Variants in CPA6 observed in about 807,000 individuals in gnomAD.
The protein encoded by CPA6 is carboxypeptidase B.
In CPA6, 58 loss-of-function variants were observed where a neutral mutation model predicts 63.3. That is an observed-to-expected ratio of 0.92 (90% CI 0.74 to 1.14). The LOEUF (loss-of-function observed/expected upper bound fraction) is 1.14. Among genes scored for constraint, CPA6 ranks in the 50% most tolerant of loss-of-function variants. The pLI, the probability that CPA6 is intolerant of heterozygous loss-of-function variation, is 0.00. For synonymous variants in CPA6, 185 were observed against 179.0 expected (o/e 1.03, Z -0.27); for missense variants, 565 against 526.6 (o/e 1.07, Z -0.71).
intron 1 of CPA6, among the ~76,000 whole-genome samples, chr8:67,661,609 C>G (rs1816110993): frequency 6.6e-6 from 1 of 152,208 alleles, no homozygotes; most frequent in African/African-American, 2.4e-5. Flanking sequence ...GTAAAGCCAT[C>G]TCAACTCAGA....
intron 1 of CPA6, among the ~76,000 whole-genome samples, chr8:67,666,765 T>C (rs771505863): frequency 8.6e-5 from 13 of 152,028 alleles, no homozygotes; most frequent in African/African-American, 7.2e-5. Context: ...CTCTGGGGCA[T>C]TGGGGGAAAG....
chr8:67,743,965 G>T (rs1587745700), intron 1 of CPA6, among the ~76,000 whole-genome samples: 1 of 152,162 alleles, frequency 6.6e-6, no homozygotes, highest in Non-Finnish European at 1.5e-5. Context: ...ACTTTGGATG[G>T]ATGAAACCAG....
At position 67,640,531 on chromosome 8, in the gene CPA6, C is replaced by T. The variant is rs569385616; in HGVS notation, c.117-16280G>A. ...AGAAGTCAGACAGCAGGAGCAGGCC[C>T]CCAGGAGTGTAGAGATGCCTGGGTC... On this transcript the variant is annotated intron_variant, in intron 1 of 10. Coordinates refer to ENST00000297770, the MANE Select transcript of CPA6 (RefSeq NM_020361.5). Among the ~76,000 whole-genome samples the T allele has an allele frequency of 1.3e-5, 2 of 151,368 alleles. 1 individual carries two copies. Among genetic ancestry groups the T allele is most frequent in the African/African-American group, 4.9e-5 (2 of 40,752 alleles).
chr8:67,607,124 CT>C (rs1814661829), intron 2 of CPA6, among the ~76,000 whole-genome samples: 7 of 95,130 alleles, frequency 7.4e-5, no homozygotes, highest in Admixed American at 2.9e-4. Flanking sequence ...CCTCCTCCTC[CT>C]CCTCCTCCTC....
chr8:67,431,025 C>A (rs1478117780), intron 9 of CPA6, among the ~76,000 whole-genome samples: 1 of 151,962 alleles, frequency 6.6e-6, no homozygotes, highest in African/African-American at 2.4e-5. Flanking sequence ...CTATGCCTGG[C>A]TAATTTTTAA....
intron 2 of CPA6, among the ~76,000 whole-genome samples, chr8:67,559,156 A>G (rs1248041329): frequency 6.6e-6 from 1 of 152,104 alleles, no homozygotes; most frequent in Non-Finnish European, 1.5e-5. Flanking sequence ...GTCCATTGAA[A>G]TTTCTCTTTG....
chr8:67,498,126 A>G (rs1563976809), intron 6 of CPA6, among the ~76,000 whole-genome samples: 1 of 152,164 alleles, frequency 6.6e-6, no homozygotes, highest in Non-Finnish European at 1.5e-5. Flanking sequence ...TTGCAGAAAG[A>G]TAACTTCCAA....
intron 8 of CPA6, among the ~76,000 whole-genome samples, chr8:67,438,450 G>C (rs1322211488): frequency 6.6e-6 from 1 of 152,142 alleles, no homozygotes. Context: ...AAGGAATTTT[G>C]AATCTAGGCT....
intron 2 of CPA6, among the ~76,000 whole-genome samples, chr8:67,551,930 G>A (rs1812947105): frequency 6.6e-6 from 1 of 152,152 alleles, no homozygotes; most frequent in Non-Finnish European, 1.5e-5. Context: ...CTATAATGAT[G>A]GCAGCTGATG....
At chr8:67,438,291 T>C (rs1255967707) in intron 8 of CPA6, among the ~76,000 whole-genome samples, 2 of 152,132 alleles carry the variant, frequency 1.3e-5, no homozygotes, top group East Asian at 1.9e-4. Flanking sequence ...AAGAGGAAAA[T>C]ATCAACACTT....
intron 1 of CPA6, among the ~76,000 whole-genome samples, chr8:67,737,745 C>T (rs376233532): frequency 4.7e-4 from 71 of 152,294 alleles, no homozygotes; most frequent in African/African-American, 1.4e-3. Context: ...CAATTCTCAG[C>T]CTTGCCAAAT....
intron 8 of CPA6, among the ~76,000 whole-genome samples, chr8:67,476,012 C>G (rs1342192659): frequency 6.8e-6 from 1 of 148,048 alleles, no homozygotes; most frequent in Non-Finnish European, 1.5e-5. Context: ...TTCCTTCTTT[C>G]CTTCCTTTCT....
chr8:67,456,927 T>C (rs1410582607), intron 8 of CPA6, among the ~76,000 whole-genome samples: 1 of 152,132 alleles, frequency 6.6e-6, no homozygotes, highest in African/African-American at 2.4e-5. Context: ...GCTTTGACTG[T>C]GGAGGAAGAG....
At chr8:67,515,115 C>T (rs892783114) in intron 3 of CPA6, among the ~76,000 whole-genome samples, 3 of 152,176 alleles carry the variant, frequency 2.0e-5, no homozygotes, top group African/African-American at 4.8e-5. Flanking sequence ...TAGGCCCTCC[C>T]AAACCCCAAA....
chr8:67,428,116 T>A lies in CPA6; in HGVS notation c.1057A>T (p.Lys353Ter), dbSNP rs969977034. The A allele has an allele frequency of 6.2e-7, 1 of 1,610,356 alleles. No homozygotes were observed. Among genetic ancestry groups the A allele is most frequent in the Admixed American group, 1.7e-5 (1 of 59,852 alleles). ...ACTGACTGAAGTGCATTCACAGCTT[T>A]ATAAGCTGCAGATTCCTATGAGGGA... ...NFRCVESAAY[K>*]AVNALQSVYG... Residue 353 changes from lysine to a stop codon, truncating the protein, a stop_gained, in exon 10 of 11, where the codon AAA (lysine) becomes TAA (stop). Transcript: ENST00000297770. LOFTEE classifies it high-confidence loss of function.
At chr8:67,621,452 T>C (rs1405133683) in intron 2 of CPA6, among the ~76,000 whole-genome samples, 1 of 152,170 alleles carries the variant, frequency 6.6e-6, no homozygotes, top group Non-Finnish European at 1.5e-5. Context: ...CTCTCCATTG[T>C]GAGGAAAATC....
chr8:67,471,840 G>A (rs937630299), intron 8 of CPA6, among the ~76,000 whole-genome samples: 8 of 152,024 alleles, frequency 5.3e-5, no homozygotes, highest in African/African-American at 1.7e-4. Flanking sequence ...CTGAAAATAA[G>A]GAAAATATTT....
At chr8:67,595,228 C>G (rs1038264292) in intron 2 of CPA6, among the ~76,000 whole-genome samples, 1 of 152,162 alleles carries the variant, frequency 6.6e-6, no homozygotes, top group Non-Finnish European at 1.5e-5. Flanking sequence ...GCTGTCTGAT[C>G]GTTCCTCTGG....
chr8:67,660,416 A>AC lies in CPA6; in HGVS notation c.117-36166dup, dbSNP rs573633979. ...TCAATCTTGGCTCACTGCAGCCTTG[A>AC]CCTCCCAGGCTCAAGTGATCTTCCC... On this transcript the variant is annotated intron_variant, in intron 1 of 10. Coordinates refer to ENST00000297770, the MANE Select transcript of CPA6 (RefSeq NM_020361.5). 2.0e-3 allele frequency among the ~76,000 whole-genome samples: 257 copies of AC among 126,084 alleles called. 2 individuals carry two copies. Among genetic ancestry groups the AC allele is most frequent in the South Asian group, 7.2e-3 (27 of 3,728 alleles). 82.7% of individuals were successfully genotyped at this position (126,084 alleles called of 152,430 possible).
Sources: allele counts gnomAD v4.1 joint callset (sites outside exome capture counted in the v4.1 genomes callset), GRCh38; gene constraint gnomAD v4.1.1; transcripts MANE v1.5; gene names NCBI Gene and HGNC (gene_info 2026-07-23, HGNC 2026-07-21).